NEGR1: variants seen among roughly 807,000 people sequenced by gnomAD.
NEGR1 encodes the protein neuronal growth regulator 1.
Under a neutral mutation model 40.9 loss-of-function variants are expected in NEGR1, and 10 were observed. That is an observed-to-expected ratio of 0.24 (90% CI 0.15 to 0.42). The LOEUF is 0.42. NEGR1 is among the 10% of genes least tolerant of loss of function. The probability of loss-of-function intolerance (pLI) is 1.00; values close to 1 mark genes in which losing one functional copy is unlikely to be tolerated. For missense variants in NEGR1, 352 were observed against 438.9 expected (o/e 0.80, Z 1.77); for synonymous variants, 185 against 166.8 (o/e 1.11, Z -0.84).
chr1:71,945,051 AAT>A (rs1646005236), intron 1 of NEGR1, among the ~76,000 whole-genome samples: 1 of 152,186 alleles, frequency 6.6e-6, no homozygotes, highest in Admixed American at 6.5e-5. Context: ...TTAAGTTAAA[AAT>A]AGTCTCAAAT....
chr1:71,525,652 A>C (rs190905657), intron 6 of NEGR1, among the ~76,000 whole-genome samples: 2 of 151,642 alleles, frequency 1.3e-5, no homozygotes, highest in South Asian at 2.1e-4. Flanking sequence ...GAATCTTGCA[A>C]TCTAGAGTTG....
At chr1:71,785,329 A>G (rs763794983) in intron 2 of NEGR1, among the ~76,000 whole-genome samples, 1 of 152,180 alleles carries the variant, frequency 6.6e-6, no homozygotes, top group Non-Finnish European at 1.5e-5. Flanking sequence ...CAATTGAAAT[A>G]CCTTACAGCA....
intron 6 of NEGR1, among the ~76,000 whole-genome samples, chr1:71,522,657 A>T (rs1159592169): frequency 6.6e-6 from 1 of 151,554 alleles, no homozygotes; most frequent in Non-Finnish European, 1.5e-5. Flanking sequence ...GTGTGGGCCT[A>T]GTCAGCTTGC....
intron 1 of NEGR1, among the ~76,000 whole-genome samples, chr1:72,049,434 T>C (rs1364255083): frequency 1.3e-5 from 2 of 151,608 alleles, no homozygotes; most frequent in Non-Finnish European, 3.0e-5. Flanking sequence ...AAATAGTAAG[T>C]ACAAAGAGAT....
At chr1:72,243,005 T>C (rs140888260) in intron 1 of NEGR1, among the ~76,000 whole-genome samples, 9 of 151,842 alleles carry the variant, frequency 5.9e-5, no homozygotes, top group African/African-American at 2.2e-4. Flanking sequence ...GATACATTCA[T>C]TGAAGACAGA....
intron 6 of NEGR1, among the ~76,000 whole-genome samples, chr1:71,475,985 T>A (rs965739769): frequency 5.3e-5 from 8 of 152,050 alleles, no homozygotes; most frequent in African/African-American, 1.9e-4. Context: ...GTAACATGTG[T>A]TTGGAGTTTA....
chr1:72,037,312 G>T (rs1465454937), intron 1 of NEGR1, among the ~76,000 whole-genome samples: 1 of 152,106 alleles, frequency 6.6e-6, no homozygotes, highest in Non-Finnish European at 1.5e-5. Context: ...TATATTGAGT[G>T]CCTACTATAT....
At chr1:71,611,866 T>G (rs928615) in intron 4 of NEGR1, among the ~76,000 whole-genome samples, 80,098 of 152,002 alleles carry the variant, frequency 0.53, 22,984 homozygotes, top group Non-Finnish European at 0.66. Flanking sequence ...CTGGAAAAAG[T>G]TTCCCCGCCT....
chr1:71,831,452 T>C (rs1658837278), intron 2 of NEGR1, among the ~76,000 whole-genome samples: 1 of 151,958 alleles, frequency 6.6e-6, no homozygotes, highest in African/African-American at 2.4e-5. Context: ...TCTATTCTGG[T>C]TTAGAGTTAA....
At chr1:71,419,937 C>A (rs994619564) in intron 6 of NEGR1, among the ~76,000 whole-genome samples, 3 of 151,480 alleles carry the variant, frequency 2.0e-5, no homozygotes, top group Admixed American at 2.0e-4. Context: ...AGAAAACATG[C>A]ACAGTGATGC....
At chr1:71,412,902 A>G (rs1042273954) in intron 6 of NEGR1, among the ~76,000 whole-genome samples, 2 of 152,216 alleles carry the variant, frequency 1.3e-5, no homozygotes, top group Non-Finnish European at 2.9e-5. Context: ...AAAATAGAGT[A>G]TGTAAGGGAG....
At chr1:72,050,651 G>T (rs1244657120) in intron 1 of NEGR1, among the ~76,000 whole-genome samples, 1 of 151,490 alleles carries the variant, frequency 6.6e-6, no homozygotes, top group African/African-American at 2.4e-5. Flanking sequence ...CTTCAAAATA[G>T]TTCTCAATAG....
chr1:72,154,694 T>C (rs980680219), intron 1 of NEGR1, among the ~76,000 whole-genome samples: 9 of 152,088 alleles, frequency 5.9e-5, no homozygotes, highest in Admixed American at 4.6e-4. Context: ...ATATTCTTAT[T>C]ACATCTTAAG....
In NEGR1 at chr1:71,397,704, C is replaced by T. The variant is rs191585180; in HGVS notation, c.*9742G>A. 3 of 152,232 alleles carry T rather than the reference C, an allele frequency of 2.0e-5. No individual in the cohort carries two copies. The highest frequency in any genetic ancestry group is 1.3e-4 in the Admixed American group (2 of 15,294). 9.4% of individuals were successfully genotyped at this position (152,232 alleles called of 1,614,324 possible). ...TGAAAATGTGATAGAAAAGAAAATCCCATTTCCTGAGGAGAAATTCAAGCT... is the reference window on the plus strand; with the variant it reads ...TGAAAATGTGATAGAAAAGAAAATCTCATTTCCTGAGGAGAAATTCAAGCT... On this transcript the variant is annotated 3_prime_UTR_variant, in exon 7 of 7. Coordinates refer to ENST00000357731, the MANE Select transcript of NEGR1 (RefSeq NM_173808.3).
chr1:71,435,110 C>CAAAAAAAA (rs756919652), intron 6 of NEGR1, among the ~76,000 whole-genome samples: 1 of 150,122 alleles, frequency 6.7e-6, no homozygotes, highest in African/African-American at 2.5e-5. Context: ...AACAAACAAA[C>CAAAAAAAA]AAAAAAAAAA....
intron 6 of NEGR1, among the ~76,000 whole-genome samples, chr1:71,585,653 T>C (rs1649277900): frequency 6.8e-6 from 1 of 147,982 alleles, no homozygotes; most frequent in Non-Finnish European, 1.5e-5. Flanking sequence ...GAGAAACACA[T>C]CAGTAGAGTA....
intron 4 of NEGR1, among the ~76,000 whole-genome samples, chr1:71,616,240 G>T (rs1224249934): frequency 6.6e-6 from 1 of 152,302 alleles, no homozygotes; most frequent in African/African-American, 2.4e-5. Context: ...AGCAAATGGA[G>T]CTTCATCTGT....
intron 1 of NEGR1, among the ~76,000 whole-genome samples, chr1:72,220,836 T>C (rs951142887): frequency 4.0e-5 from 6 of 151,308 alleles, no homozygotes; most frequent in Non-Finnish European, 8.8e-5. Flanking sequence ...TAATTTGTTA[T>C]AGCACTTCAT....
intron 1 of NEGR1, among the ~76,000 whole-genome samples, chr1:71,979,191 C>A (rs1166993627): frequency 6.6e-6 from 1 of 151,964 alleles, no homozygotes; most frequent in Non-Finnish European, 1.5e-5. Context: ...GAACAACAGA[C>A]CCTGGGGCCT....
Sources: allele counts gnomAD v4.1 joint callset (sites outside exome capture counted in the v4.1 genomes callset), GRCh38; gene constraint gnomAD v4.1.1; transcripts MANE v1.5; gene names NCBI Gene and HGNC (gene_info 2026-07-23, HGNC 2026-07-21).